FRAS1: variants seen among roughly 807,000 people sequenced by gnomAD.
The protein encoded by FRAS1 is Fraser extracellular matrix complex subunit 1, also known as extracellular matrix organizing protein FRAS1.
Under a neutral mutation model 435.2 loss-of-function variants are expected in FRAS1, and 290 were observed. That is an observed-to-expected ratio of 0.67 (90% CI 0.61 to 0.73). The LOEUF is 0.73. Among genes scored for constraint, FRAS1 ranks in the 30% least tolerant of loss-of-function variants. The pLI is 0.00. For synonymous variants in FRAS1, 1,800 were observed against 1,851.0 expected (o/e 0.97, Z 0.71); for missense variants, 4,860 against 5,001.5 (o/e 0.97, Z 0.85).
At chr4:78,165,763 T>C (rs1335349448) in intron 2 of FRAS1, among the ~76,000 whole-genome samples, 1 of 152,190 alleles carries the variant, frequency 6.6e-6, no homozygotes, top group Non-Finnish European at 1.5e-5. Context: ...GATGACTGGC[T>C]GTTGACTGGA....
At chr4:78,299,479 C>G (rs1281561730) in intron 14 of FRAS1, among the ~76,000 whole-genome samples, 1 of 152,132 alleles carries the variant, frequency 6.6e-6, no homozygotes, top group Non-Finnish European at 1.5e-5. Context: ...CATTTATCAA[C>G]CAGTTTGAAA....
At chr4:78,317,259 G>T in intron 16 of FRAS1, 109 bp from the exon 17 acceptor site, 10 of 1,249,478 alleles carry the variant, frequency 8.0e-6, no homozygotes, top group Non-Finnish European at 1.1e-5. Context: ...TTGGTTTGGT[G>T]TGACATCCAC....
At chr4:78,536,941 TG>T in intron 71 of FRAS1, 53 bp from the exon 72 acceptor site, 1 of 1,460,884 alleles carries the variant, frequency 6.8e-7, no homozygotes, top group Non-Finnish European at 9.6e-7. Flanking sequence ...CCTTGACATT[TG>T]TTTTTCTTTC....
chr4:78,132,087 G>A (rs1020507691), intron 2 of FRAS1, among the ~76,000 whole-genome samples: 13 of 152,142 alleles, frequency 8.5e-5, no homozygotes, highest in Admixed American at 8.5e-4. Flanking sequence ...GTGTGGTTGA[G>A]GTCTGTAAGG....
At chr4:78,205,835 CA>C (rs1396273097) in intron 2 of FRAS1, among the ~76,000 whole-genome samples, 1 of 152,084 alleles carries the variant, frequency 6.6e-6, no homozygotes, top group African/African-American at 2.4e-5. Flanking sequence ...TCTGGCCTCT[CA>C]CTGTAACTGA....
At chr4:78,125,776 G>C (rs1043393273) in intron 2 of FRAS1, among the ~76,000 whole-genome samples, 2 of 152,186 alleles carry the variant, frequency 1.3e-5, no homozygotes, top group African/African-American at 4.8e-5. Flanking sequence ...GCACCCGCCT[G>C]TTTGAGATGT....
chr4:78,472,149 A>G, intron 51 of FRAS1, 31 bp from the exon 52 acceptor site: 1 of 1,609,642 alleles, frequency 6.2e-7, no homozygotes, highest in Non-Finnish European at 8.5e-7. Flanking sequence ...TTCCCACCTC[A>G]GGAATTAAAT....
At chr4:78,374,047 C>T in intron 24 of FRAS1, 64 bp from the exon 25 acceptor site, 2 of 1,471,800 alleles carry the variant, frequency 1.4e-6, no homozygotes, top group Middle Eastern at 2.0e-4. Flanking sequence ...GCTGCCTTTC[C>T]ACAAAGGCCT....
intron 4 of FRAS1, among the ~76,000 whole-genome samples, chr4:78,246,056 C>T (rs1238257209): frequency 6.6e-6 from 1 of 152,178 alleles, no homozygotes; most frequent in African/African-American, 2.4e-5. Context: ...TACACTTTCT[C>T]ATTTCAGATC....
At chr4:78,304,855 A>G (rs1422762575) in intron 14 of FRAS1, among the ~76,000 whole-genome samples, 1 of 151,228 alleles carries the variant, frequency 6.6e-6, no homozygotes, top group East Asian at 1.9e-4. Context: ...TTGTGTCTCT[A>G]TTTCCTTCAG....
At chr4:78,272,014 G>C (rs1202155292) in intron 9 of FRAS1, among the ~76,000 whole-genome samples, 2 of 152,152 alleles carry the variant, frequency 1.3e-5, no homozygotes. Context: ...ATTCTAACTG[G>C]TGTGAGACGG....
At chr4:78,248,740 C>T (rs1725375953) in intron 4 of FRAS1, among the ~76,000 whole-genome samples, 2 of 152,038 alleles carry the variant, frequency 1.3e-5, no homozygotes, top group Non-Finnish European at 1.5e-5. Flanking sequence ...TTTGTTCTGT[C>T]AGTAAGCCAG....
intron 4 of FRAS1, among the ~76,000 whole-genome samples, chr4:78,252,179 C>T (rs1227434955): frequency 5.3e-5 from 8 of 151,908 alleles, no homozygotes; most frequent in Admixed American, 2.0e-4. Flanking sequence ...AAAAAATCTT[C>T]GCGGTAATAG....
chr4:78,281,866 T>C (rs1055460652), intron 11 of FRAS1, among the ~76,000 whole-genome samples: 5 of 152,174 alleles, frequency 3.3e-5, no homozygotes, highest in African/African-American at 4.8e-5. Context: ...GACAATGTTA[T>C]ATGGTTTCTT....
At chr4:78,220,329 G>A (rs139640992) in intron 2 of FRAS1, among the ~76,000 whole-genome samples, 9 of 152,208 alleles carry the variant, frequency 5.9e-5, no homozygotes, top group Admixed American at 5.9e-4. Flanking sequence ...AAAGTATTTT[G>A]TGACACATGA....
At chr4:78,456,975 G>T (rs1280777807) in intron 47 of FRAS1, among the ~76,000 whole-genome samples, 1 of 152,104 alleles carries the variant, frequency 6.6e-6, no homozygotes, top group Non-Finnish European at 1.5e-5. Flanking sequence ...CTCACCCCAC[G>T]TGCTTCATTC....
intron 14 of FRAS1, among the ~76,000 whole-genome samples, chr4:78,306,376 G>A (rs1239331051): frequency 1.2e-4 from 17 of 145,114 alleles, no homozygotes; most frequent in East Asian, 8.1e-4. Context: ...TCTTTGTGGC[G>A]TTCTCTGTGT....
At chr4:78,337,117 T>A (rs1041006249) in intron 19 of FRAS1, among the ~76,000 whole-genome samples, 1 of 152,224 alleles carries the variant, frequency 6.6e-6, no homozygotes, top group Non-Finnish European at 1.5e-5. Context: ...CTTTTTCTGT[T>A]CTTTGTATTT....
chr4:78,479,933 T>C (rs1719961742), intron 56 of FRAS1, among the ~76,000 whole-genome samples: 1 of 152,212 alleles, frequency 6.6e-6, no homozygotes, highest in Non-Finnish European at 1.5e-5. Flanking sequence ...TGATTTGTTT[T>C]AGTAAATTTT....
Sources: gnomAD v4.1 joint callset for allele counts (sites outside exome capture counted in the v4.1 genomes callset) on GRCh38, gnomAD v4.1.1 for gene constraint, MANE v1.5 for transcripts, NCBI Gene and HGNC (gene_info 2026-07-23, HGNC 2026-07-21) for gene names.